SLITRK4: variants seen among roughly 807,000 people sequenced by gnomAD.
SLITRK4 encodes the protein SLIT and NTRK-like protein 4.
In SLITRK4, 7 loss-of-function variants were observed where a neutral mutation model predicts 34.7. That is an observed-to-expected ratio of 0.20 (90% CI 0.11 to 0.38). The LOEUF (loss-of-function observed/expected upper bound fraction) is 0.38. Among genes scored for constraint, SLITRK4 ranks in the 10% least tolerant of loss-of-function variants. The probability of loss-of-function intolerance (pLI) is 1.00; values close to 1 mark genes in which losing one functional copy is unlikely to be tolerated. For missense variants in SLITRK4, 474 were observed against 607.0 expected, an observed-to-expected ratio of 0.78 and a Z score of 2.30; for synonymous variants, 237 against 246.2, an observed-to-expected ratio of 0.96 and a Z score of 0.35.
chrX:143,629,444 CACA>C lies in SLITRK4; in HGVS notation c.1662_1664del (p.Val555del), dbSNP rs782129006. Reference sequence around the variant, plus strand: ...CAGGCGTCTCACATTTCAGTTCTTTCACAACAATCCCGTCGCTCAACTTCTCCA... The same window carrying C: ...CAGGCGTCTCACATTTCAGTTCTTTCACAATCCCGTCGCTCAACTTCTCCA... On this transcript the variant is annotated inframe_deletion, in exon 2 of 2. Transcript: ENST00000356928. 5 of 1,211,522 alleles carry C rather than the reference CACA, an allele frequency of 4.1e-6. No homozygotes were observed. The highest frequency in any genetic ancestry group is 5.6e-6 in the Non-Finnish European group (5 of 895,500).
intron 1 of SLITRK4, among the ~76,000 whole-genome samples, chrX:143,635,495 C>CAT (rs1931210937): frequency 1.0e-5 from 1 of 97,605 alleles, no homozygotes; most frequent in African/African-American, 4.0e-5. Context: ...CACACACACA[C>CAT]ACACACACAC....
At chrX:143,633,650 G>A (rs1931123352) in intron 1 of SLITRK4, among the ~76,000 whole-genome samples, 1 of 111,488 alleles carries the variant, frequency 9.0e-6, no homozygotes, top group South Asian at 3.8e-4. Context: ...CCTGAGGGGG[G>A]CAGAACACTG....
At position 143,627,947 on chromosome X, in the gene SLITRK4, C is replaced by A; in HGVS notation, c.*648G>T. 1 of 230,605 alleles carries A rather than the reference C, an allele frequency of 4.3e-6. No homozygotes were observed. The highest frequency in any genetic ancestry group is 6.5e-5 in the East Asian group (1 of 15,392). The allele number at this position is 230,605 out of a possible 1,213,427, so 19.0% of individuals were successfully genotyped here. A position where few individuals can be genotyped will look rare whatever the true frequency, so the allele number is the denominator to read the frequency against. On this transcript the variant is annotated 3_prime_UTR_variant, in exon 2 of 2. Coordinates refer to ENST00000356928, the MANE Select transcript of SLITRK4 (RefSeq NM_001184749.3). ...ATAGACAGGTAATGCTTAAAGTGTT[C>A]AAATTTATTTTATAGTTATGTAATG...
At chrX:143,632,557 A>T (rs1931074925) in intron 1 of SLITRK4, among the ~76,000 whole-genome samples, 1 of 112,151 alleles carries the variant, frequency 8.9e-6, no homozygotes, top group Admixed American at 9.4e-5. Context: ...CACAACAAGG[A>T]AATGATGCAA....
intron 1 of SLITRK4, among the ~76,000 whole-genome samples, chrX:143,632,311 G>A (rs1350303340): frequency 9.0e-6 from 1 of 111,439 alleles, no homozygotes; most frequent in East Asian, 2.8e-4. Context: ...AGAATCACTT[G>A]TTGGTAGAGT....
Position 143,628,277 on chromosome X carries a change from G to C in SLITRK4, c.*318C>G. On this transcript the variant is annotated 3_prime_UTR_variant, in exon 2 of 2. Coordinates refer to ENST00000356928, the MANE Select transcript of SLITRK4 (RefSeq NM_001184749.3). ...TTGAGTTTGCTTTACAAAGCACAAA[G>C]AGACGAAGGTTTTGCATTGGGGTAC... 1 of 305,807 alleles carries C rather than the reference G, an allele frequency of 3.3e-6. No individual in the cohort carries two copies. Among genetic ancestry groups the C allele is most frequent in the Non-Finnish European group, 5.7e-6 (1 of 176,245 alleles). The allele number at this position is 305,807 out of a possible 1,213,427, so 25.2% of individuals were successfully genotyped here. A position where few individuals can be genotyped will look rare whatever the true frequency, so the allele number is the denominator to read the frequency against.
chrX:143,633,569 C>T (rs1931118599), intron 1 of SLITRK4, among the ~76,000 whole-genome samples: 1 of 110,901 alleles, frequency 9.0e-6, no homozygotes, highest in South Asian at 3.9e-4. Context: ...AAACCTAGCC[C>T]GACCAAAAAC....
At position 143,624,546 on chromosome X, in the gene SLITRK4, G is replaced by A. The variant is rs1447791653; in HGVS notation, c.*4049C>T. ...TTGAAAATATGTTTCTAAAGAAAGC[G>A]TTTTTTTTAACAGAGATTTAGCAGT... On this transcript the variant is annotated 3_prime_UTR_variant, in exon 2 of 2. Transcript: ENST00000356928. 1 of 109,324 alleles carries A rather than the reference G, an allele frequency of 9.1e-6. No homozygotes were observed. The highest frequency in any genetic ancestry group is 3.3e-5 in the African/African-American group (1 of 30,432). 9.0% of individuals were successfully genotyped at this position (109,324 alleles called of 1,213,427 possible).
chrX:143,630,146 G>A lies in SLITRK4; in HGVS notation c.963C>T (p.Leu321=), dbSNP rs1212087754. ...CAATCTGACTGAGATTGCGGTTGGA[G>A]AGGGCTTTGCCTGCAACGATTCCAG... ...KISGIVAGKA[L]SNRNLSQIVS... The change falls in exon 2 of 2, where the codon CTC becomes CTT. Residue 321 remains leucine, a synonymous_variant. Transcript: ENST00000356928. 2 of 1,211,943 alleles carry A rather than the reference G, an allele frequency of 1.7e-6. No homozygotes were observed. Among genetic ancestry groups the A allele is most frequent in the African/African-American group, 1.7e-5 (1 of 57,812 alleles).
At position 143,625,059 on chromosome X, in the gene SLITRK4, AT is replaced by A. The variant is rs1285320083; in HGVS notation, c.*3535del. The A allele has an allele frequency of 9.0e-6, 1 of 111,490 alleles. No individual in the cohort carries two copies. The highest frequency in any genetic ancestry group is 1.9e-5 in the Non-Finnish European group (1 of 52,822). The allele number at this position is 111,490 out of a possible 1,213,427, so 9.2% of individuals were successfully genotyped here. ...TGTCAATGTACAAATCATGCAAAAA[AT>A]GTTATAGATTAATATTACCACCATA... On this transcript the variant is annotated 3_prime_UTR_variant, in exon 2 of 2. Transcript: ENST00000356928.
chrX:143,627,272 T>G lies in SLITRK4; in HGVS notation c.*1323A>C, dbSNP rs1556425652. On this transcript the variant is annotated 3_prime_UTR_variant, in exon 2 of 2. Transcript: ENST00000356928. The stretch of plus-strand genomic sequence containing the variant: ...AACTATTAACCTTATTCATTATTTT[T>G]TAAATACTTGTAGCGAAAACTATTT... 9.1e-6 allele frequency: 1 copy of G among 109,874 alleles called. No individual in the cohort carries two copies. The highest frequency in any genetic ancestry group is 1.9e-5 in the Non-Finnish European group (1 of 52,628). 9.1% of individuals were successfully genotyped at this position (109,874 alleles called of 1,213,427 possible).
chrX:143,630,740 T>C lies in SLITRK4; in HGVS notation c.369A>G (p.Arg123=). ...TCTCTATGCCAAGGAAAGTGTCAGCTCGGAGAATCTTTAATTCATTGTTGT... is the reference window on the plus strand; with the variant it reads ...TCTCTATGCCAAGGAAAGTGTCAGCCCGGAGAATCTTTAATTCATTGTTGT... The part of the protein sequence containing the change: ...HLNNNELKIL[R]ADTFLGIENL... Residue 123 remains arginine (R), a synonymous_variant, in exon 2 of 2, where the codon CGA becomes CGG. Transcript: ENST00000356928. 2 of 1,210,485 alleles carry C rather than the reference T, an allele frequency of 1.7e-6. No homozygotes were observed. Among genetic ancestry groups the C allele is most frequent in the Non-Finnish European group, 2.2e-6 (2 of 895,125 alleles).
chrX:143,630,922 G>T lies in SLITRK4; in HGVS notation c.187C>A (p.His63Asn), dbSNP rs782167984. The change falls in exon 2 of 2, where the codon CAC (histidine) becomes AAC (asparagine). Residue 63 changes from histidine (H) to asparagine (N), a missense_variant. By Grantham distance (68) the His-to-Asn change is moderately conservative. Coordinates refer to ENST00000356928, the MANE Select transcript of SLITRK4 (RefSeq NM_001184749.3). ...QLKPPWSNFYHLNFQNNFLNI... is the reference protein window; with the variant it reads ...QLKPPWSNFYNLNFQNNFLNI... ...AAAAAATTATTTTGGAAATTGAGGT[G>T]ATAAAAATTAGACCAAGGTGGTTTC... The T allele has an allele frequency of 1.7e-6, 2 of 1,206,173 alleles. No homozygotes were observed. The highest frequency in any genetic ancestry group is 2.2e-6 in the Non-Finnish European group (2 of 893,858).
rs1930857460 is a variant in SLITRK4 at position 143,628,091 on chromosome X, C to CTTGTTTTT, written c.*503_*504insAAAAACAA. On this transcript the variant is annotated 3_prime_UTR_variant, in exon 2 of 2. Transcript: ENST00000356928. ...CTATCGAGTGTTCTCTCTTTGCATG[C>CTTGTTTTT]TTTTTTTTTTTTTTTTTTTTTTTTT... The CTTGTTTTT allele has an allele frequency of 1.4e-5, 1 of 72,816 alleles. No individual in the cohort carries two copies. The highest frequency in any genetic ancestry group is 2.2e-5 in the Non-Finnish European group (1 of 45,766). The allele number at this position is 72,816 out of a possible 1,213,427, so 6.0% of individuals were successfully genotyped here. A position where few individuals can be genotyped will look rare whatever the true frequency, so the allele number is the denominator to read the frequency against.
rs1310398169 is a variant in SLITRK4, at chrX:143,624,687, TTAAC to T, written c.*3904_*3907del. ...AAAAATAATGGAAAGACAAATATAT[TTAAC>T]AAACTGTGGCTTCAGAAATATCATT... On this transcript the variant is annotated 3_prime_UTR_variant, in exon 2 of 2. Coordinates refer to ENST00000356928, the MANE Select transcript of SLITRK4 (RefSeq NM_001184749.3). 9.0e-6 allele frequency: 1 copy of T among 111,650 alleles called. No individual in the cohort carries two copies. Among genetic ancestry groups the T allele is most frequent in the Non-Finnish European group, 1.9e-5 (1 of 52,903 alleles). 9.2% of individuals were successfully genotyped at this position (111,650 alleles called of 1,213,427 possible). A position where few individuals can be genotyped will look rare whatever the true frequency, so the allele number is the denominator to read the frequency against.
Position 143,625,540 on chromosome X carries a change from C to CA in SLITRK4, c.*3054dup, listed in dbSNP as rs1556425312. ...TAGTGCCAAGAAGCCCATGATGTGT[C>CA]AGCCCACATTAGAAATGAGCACTTC... On this transcript the variant is annotated 3_prime_UTR_variant, in exon 2 of 2. Coordinates refer to ENST00000356928, the MANE Select transcript of SLITRK4 (RefSeq NM_001184749.3). 1.8e-5 allele frequency: 2 copies of CA among 111,435 alleles called. No individual in the cohort carries two copies. The allele number at this position is 111,435 out of a possible 1,213,427, so 9.2% of individuals were successfully genotyped here. A position where few individuals can be genotyped will look rare whatever the true frequency, so the allele number is the denominator to read the frequency against.
At chrX:143,631,724 G>A (rs1275096354) in intron 1 of SLITRK4, among the ~76,000 whole-genome samples, 1 of 111,146 alleles carries the variant, frequency 9.0e-6, no homozygotes, top group Non-Finnish European at 1.9e-5. Context: ...AGTGACCTGG[G>A]AAGAGATTTG....
chrX:143,633,887 C>T (rs1000885522), intron 1 of SLITRK4, among the ~76,000 whole-genome samples: 18 of 112,986 alleles, frequency 1.6e-4, no homozygotes, highest in Admixed American at 1.4e-3. Flanking sequence ...GCTCAGCCCC[C>T]TCCGCGTCAG....
At position 143,628,740 on chromosome X, in the gene SLITRK4, C is replaced by A; in HGVS notation, c.2369G>T (p.Ser790Ile). The A allele has an allele frequency of 8.3e-7, 1 of 1,211,361 alleles. No individual in the cohort carries two copies. Among genetic ancestry groups the A allele is most frequent in the Non-Finnish European group, 1.1e-6 (1 of 895,470 alleles). ...RYPEKQPDKK[S>I]KKSLIGGNHS... ...GTTGCCACCTATCAGTGACTTCTTA[C>A]TTTTTTTGTCTGGTTGTTTTTCTGG... The change falls in exon 2 of 2, where the codon AGT (serine) becomes ATT (isoleucine). Residue 790 changes from serine (S) to isoleucine (I), a missense_variant. Physicochemically the swap from Ser to Ile is moderately radical, Grantham distance 142 (BLOSUM62 -2). Transcript: ENST00000356928.
Sources: gnomAD v4.1 joint callset for allele counts (sites outside exome capture counted in the v4.1 genomes callset) on GRCh38, gnomAD v4.1.1 for gene constraint, MANE v1.5 for transcripts, NCBI Gene and HGNC (gene_info 2026-07-23, HGNC 2026-07-21) for gene names.